Variants in TAF5L observed in about 807,000 individuals in gnomAD.
TAF5L encodes TAF5-like RNA polymerase II p300/CBP-associated factor-associated factor 65 kDa subunit 5L.
TAF5L carries 7 observed loss-of-function variants against 51.3 expected under a neutral mutation model. That is an observed-to-expected ratio of 0.14 (90% CI 0.08 to 0.26). The LOEUF (loss-of-function observed/expected upper bound fraction) is 0.26. TAF5L is among the 10% of genes least tolerant of loss of function. The pLI is 1.00. For synonymous variants in TAF5L, 291 were observed against 308.1 expected, an observed-to-expected ratio of 0.94 and a Z score of 0.58; for missense variants, 575 against 758.9, an observed-to-expected ratio of 0.76 and a Z score of 2.85.
intron 2 of TAF5L, 35 bp downstream of exon 2, chr1:229,614,306 C>T: frequency 6.2e-7 from 1 of 1,614,230 alleles, no homozygotes; most frequent in Non-Finnish European, 8.5e-7. Flanking sequence ...TCTCCTGCTC[C>T]AGGCTCACCC....
chr1:229,610,187 T>C (rs1375217393), exon 3 of TAF5L: 2 of 1,614,168 alleles, frequency 1.2e-6, no homozygotes, highest in Non-Finnish European at 1.7e-6. Flanking sequence ...GACACTATGT[T>C]GGCACAACCA....
At position 229,594,600 on chromosome 1, in the gene TAF5L, G is replaced by T; in HGVS notation, c.1467C>A (p.Asp489Glu). 6.2e-7 allele frequency: 1 copy of T among 1,614,176 alleles called. No individual in the cohort carries two copies. Among genetic ancestry groups the T allele is most frequent in the Non-Finnish European group, 8.5e-7 (1 of 1,180,036 alleles). ...CCAAGTCCCACAGCTTCAACCGCTG[G>T]TCCTCGCCAGCAGACGCCAAGTACT... is the stretch of plus-strand genomic sequence containing the variant. The change falls in exon 5 of 5, where the codon GAC (aspartate) becomes GAA (glutamate). Residue 489 changes from aspartate to glutamate, a missense_variant. By Grantham distance (45) the Asp-to-Glu change is conservative. This residue lies in a region of TAF5L where 104 missense variants were observed against 218.3 expected (regional missense o/e 0.48). Coordinates refer to ENST00000258281, the Ensembl canonical transcript of TAF5L. The surrounding 1 kb of genome is among the most constrained non-coding windows in gnomAD (Gnocchi z 7.9).
intron 1 of TAF5L, among the ~76,000 whole-genome samples, chr1:229,615,196 T>C (rs1026456730): frequency 2.6e-5 from 4 of 152,140 alleles, no homozygotes; most frequent in African/African-American, 9.7e-5. Flanking sequence ...CACGCCATTC[T>C]CCTGTCTCAG....
chr1:229,604,884 G>C (rs796091658), intron 3 of TAF5L, among the ~76,000 whole-genome samples: 18 of 152,238 alleles, frequency 1.2e-4, no homozygotes, highest in African/African-American at 4.3e-4. Context: ...TATATAAAAA[G>C]AAAATATCTT....
chr1:229,618,776 T>C (rs907548691), intron 1 of TAF5L, among the ~76,000 whole-genome samples: 1 of 152,012 alleles, frequency 6.6e-6, no homozygotes, highest in East Asian at 1.9e-4. Flanking sequence ...TAGGCTCTAA[T>C]GTACACGGTC....
intron 1 of TAF5L, among the ~76,000 whole-genome samples, chr1:229,623,388 C>T (rs1288737879): frequency 6.6e-6 from 1 of 152,234 alleles, no homozygotes; most frequent in Admixed American, 6.5e-5. Context: ...TGCCTGTTTA[C>T]CTCACTGGAC....
rs371412664 is a variant in TAF5L, at chr1:229,623,014, G to C, written c.-4+2871C>G. On this transcript the variant is annotated intron_variant, in intron 1 of 4. Transcript: ENST00000258281. ...TACTGCCGCCGGGCACGGTGGCTCGGGCCTGTAATCTCAGCACTTTGGGAG... is the reference window on the plus strand; with the variant it reads ...TACTGCCGCCGGGCACGGTGGCTCGCGCCTGTAATCTCAGCACTTTGGGAG... Among the ~76,000 whole-genome samples, 32 of 152,222 alleles carry C rather than the reference G, an allele frequency of 2.1e-4. No homozygotes were observed. In the East Asian group the frequency reaches 3.7e-3, roughly 18 times the overall value.
intron 3 of TAF5L, among the ~76,000 whole-genome samples, chr1:229,603,312 T>C (rs1394703735): frequency 6.6e-6 from 1 of 152,232 alleles, no homozygotes; most frequent in Non-Finnish European, 1.5e-5. Context: ...GACATATTCT[T>C]GGAAGATTGA....
intron 3 of TAF5L, chr1:229,607,071 G>A (rs779193588): frequency 2.0e-6 from 2 of 985,034 alleles, no homozygotes; most frequent in Non-Finnish European, 2.4e-6. Context: ...TGCAAGCTAT[G>A]CAGTAGGATG....
chr1:229,621,211 G>C (rs1269414895), intron 1 of TAF5L, among the ~76,000 whole-genome samples: 2 of 152,164 alleles, frequency 1.3e-5, no homozygotes, highest in Non-Finnish European at 2.9e-5. Context: ...TACTGTATTG[G>C]ACAACAGAGT....
intron 4 of TAF5L, chr1:229,599,088 T>C (rs969602668): frequency 5.8e-6 from 1 of 171,390 alleles, no homozygotes; most frequent in African/African-American, 2.4e-5. Context: ...GGAGGAGGGC[T>C]GCTCATACCA....
At chr1:229,626,120 A>T (rs988940369), upstream of TAF5L, 1 of 151,102 alleles carries the variant, frequency 6.6e-6, no homozygotes, top group African/African-American at 2.4e-5. Flanking sequence ...CGTCTCCGCC[A>T]ATGGGCGAGG....
intron 3 of TAF5L, 75 bp downstream of exon 3, chr1:229,610,031 C>T: frequency 7.8e-7 from 1 of 1,276,420 alleles, no homozygotes; most frequent in Non-Finnish European, 1.1e-6. Context: ...GGCTAACTCA[C>T]AAGCAGTGTG....
intron 4 of TAF5L, among the ~76,000 whole-genome samples, chr1:229,596,575 C>T (rs544875102): frequency 3.3e-5 from 5 of 152,304 alleles, no homozygotes; most frequent in Admixed American, 2.6e-4. Context: ...TGTGATTCTT[C>T]GAAATAATTT....
chr1:229,602,578 G>A lies in TAF5L; in HGVS notation c.589C>T (p.Leu197Phe). Residue 197 changes from leucine (L) to phenylalanine (F), a missense_variant, in exon 4 of 5, where the codon CTT becomes TTT. Physicochemically the swap from Leu to Phe is conservative, Grantham distance 22 (BLOSUM62 0). Around this residue, in one of 3 missense-constraint regions of TAF5L, gnomAD observed 380 missense variants for 443.7 expected, o/e 0.86. Transcript: ENST00000258281. The surrounding 1 kb of genome is among the most constrained non-coding windows in gnomAD (Gnocchi z 4.6). ...GTTCTCTTGGCAGGCTGCACGTCAA[G>A]ATGAATATGTAAGGTGAGGACTTTG... The A allele has an allele frequency of 6.2e-7, 1 of 1,614,238 alleles. No individual in the cohort carries two copies. The highest frequency in any genetic ancestry group is 8.5e-7 in the Non-Finnish European group (1 of 1,180,044).
rs35136694 is a variant in TAF5L at position 229,602,549 on chromosome 1, G to A, written c.618C>T (p.Asp206=). The A allele has an allele frequency of 1.3e-3, 2,031 of 1,614,212 alleles. 16 individuals carry two copies. The African/African-American group carries it at 0.022, about 17-fold the overall frequency. Residue 206 remains aspartate, a synonymous_variant, in exon 4 of 5, where the codon GAC becomes GAT. Transcript: ENST00000258281. This position sits in a 1 kb window ranked among gnomAD's most constrained non-coding sequence, Gnocchi z 4.6. ...AGCTGCCACTGGCATACAGCTGATA[G>A]TCTGTTCTCTTGGCAGGCTGCACGT...
intron 1 of TAF5L, among the ~76,000 whole-genome samples, chr1:229,620,034 CAAAAG>C (rs1055346738): frequency 1.7e-4 from 26 of 151,804 alleles, no homozygotes; most frequent in Non-Finnish European, 3.4e-4. Context: ...AAAAACAAAA[CAAAAG>C]AAAACAAAAC....
At chr1:229,617,931 A>G (rs914206143) in intron 1 of TAF5L, among the ~76,000 whole-genome samples, 3 of 152,244 alleles carry the variant, frequency 2.0e-5, no homozygotes, top group African/African-American at 4.8e-5. Flanking sequence ...ATGGATCTTA[A>G]GGGCAGGAAT....
chr1:229,606,526 G>A (rs771075281), intron 3 of TAF5L: 42 of 985,130 alleles, frequency 4.3e-5, no homozygotes, highest in East Asian at 1.1e-4. Context: ...TAATCCTGTC[G>A]GTCCTCATTC....
Sources: allele counts gnomAD v4.1 joint callset (sites outside exome capture counted in the v4.1 genomes callset), GRCh38; gene constraint gnomAD v4.1.1; regional missense constraint gnomAD v4.1.1; non-coding constraint Gnocchi (gnomAD v3.1); transcripts MANE v1.5; gene names NCBI Gene and HGNC (gene_info 2026-07-23, HGNC 2026-07-21).